PCDH11X: variants seen among roughly 807,000 people sequenced by gnomAD.
PCDH11X encodes protocadherin 11 X-linked.
PCDH11X carries 18 observed loss-of-function variants against 53.3 expected under a neutral mutation model. The observed-to-expected ratio is 0.34, with a 90% confidence interval of 0.23 to 0.50. The LOEUF is 0.50. Ranked by LOEUF, PCDH11X falls within the 20% of genes least tolerant of loss-of-function variation. The pLI is 0.98. For missense variants in PCDH11X, 570 were observed against 1,032.4 expected (o/e 0.55, Z 6.14); for synonymous variants, 279 against 393.3 (o/e 0.71, Z 3.44).
intron 6 of PCDH11X, among the ~76,000 whole-genome samples, chrX:91,886,821 A>G (rs1458497702): frequency 1.8e-5 from 2 of 108,353 alleles, no homozygotes; most frequent in African/African-American, 6.7e-5. Flanking sequence ...AATACAAAAA[A>G]TTAGCTGGGC....
intron 10 of PCDH11X, among the ~76,000 whole-genome samples, chrX:92,584,912 G>A (rs1211608739): frequency 1.9e-5 from 2 of 103,694 alleles, no homozygotes; most frequent in African/African-American, 7.2e-5. Context: ...TCCTGCCTCT[G>A]CTTCCAGAGT....
intron 6 of PCDH11X, among the ~76,000 whole-genome samples, chrX:91,966,984 C>A (rs911525462): frequency 2.4e-5 from 2 of 84,805 alleles, no homozygotes; most frequent in Non-Finnish European, 4.6e-5. Flanking sequence ...CAACCCCCAC[C>A]CCCCACCCCC....
chrX:92,242,589 T>G (rs1413530686), intron 7 of PCDH11X, among the ~76,000 whole-genome samples: 2 of 111,898 alleles, frequency 1.8e-5, no homozygotes, highest in Non-Finnish European at 3.8e-5. Context: ...AACATTAGTG[T>G]ACAATCTTTT....
rs1482321891 is a variant in PCDH11X, at chrX:92,232,959, C to G, written c.3115-30155C>G. On this transcript the variant is annotated intron_variant, in intron 7 of 10. Coordinates refer to ENST00000682573, the MANE Select transcript of PCDH11X (RefSeq NM_032968.5). ...CTCCATCTCCCGACCTCCTGATCCGCCCACCGCGGCCTCCCAAAGTGCTGG... is the reference window on the plus strand; with the variant it reads ...CTCCATCTCCCGACCTCCTGATCCGGCCACCGCGGCCTCCCAAAGTGCTGG... Among the ~76,000 whole-genome samples, 3 of 111,567 alleles carry G rather than the reference C, an allele frequency of 2.7e-5. No individual in the cohort carries two copies. The East Asian group carries it at 8.5e-4, about 32-fold the overall frequency.
intron 6 of PCDH11X, among the ~76,000 whole-genome samples, chrX:92,185,406 A>G (rs191569015): frequency 1.8e-5 from 2 of 111,820 alleles, no homozygotes; most frequent in East Asian, 5.6e-4. Context: ...CTATAAAACA[A>G]TTATAAGAAG....
intron 7 of PCDH11X, among the ~76,000 whole-genome samples, chrX:92,217,284 T>C (rs775520847): frequency 2.4e-4 from 27 of 110,433 alleles, no homozygotes; most frequent in Non-Finnish European, 2.8e-4. Flanking sequence ...CAAGACCCAT[T>C]AGTGTGCTGT....
chrX:91,913,564 G>A (rs1941451569), intron 6 of PCDH11X, among the ~76,000 whole-genome samples: 1 of 110,736 alleles, frequency 9.0e-6, no homozygotes, highest in African/African-American at 3.3e-5. Flanking sequence ...CCCTCCCCAA[G>A]GAGAGTCTGC....
intron 8 of PCDH11X, among the ~76,000 whole-genome samples, chrX:92,304,008 A>T (rs1166292258): frequency 9.1e-6 from 1 of 109,888 alleles, no homozygotes; most frequent in Non-Finnish European, 1.9e-5. Context: ...AAATTCTGTC[A>T]ACAATAATGC....
chrX:92,276,287 G>A (rs150991449), intron 8 of PCDH11X, among the ~76,000 whole-genome samples: 4,721 of 107,112 alleles, frequency 0.044, 167 homozygotes, highest in East Asian at 0.27. Context: ...CTCGGCATCC[G>A]TGATGGTCTA....
intron 7 of PCDH11X, among the ~76,000 whole-genome samples, chrX:92,257,295 C>T (rs1204365444): frequency 9.0e-6 from 1 of 111,408 alleles, no homozygotes; most frequent in Non-Finnish European, 1.9e-5. Flanking sequence ...GCCCCCACAT[C>T]CAACATTGGG....
At chrX:92,613,220 G>C (rs1197924680) in intron 10 of PCDH11X, among the ~76,000 whole-genome samples, 1 of 110,104 alleles carries the variant, frequency 9.1e-6, no homozygotes, top group African/African-American at 3.3e-5. Context: ...ATTTAAGTTT[G>C]TTTTCCTGCT....
intron 8 of PCDH11X, among the ~76,000 whole-genome samples, chrX:92,282,884 A>G (rs954095917): frequency 4.5e-5 from 5 of 111,541 alleles, no homozygotes; most frequent in Non-Finnish European, 9.4e-5. Context: ...ATTTCACAAA[A>G]TTTAAAAAGA....
intron 6 of PCDH11X, among the ~76,000 whole-genome samples, chrX:91,992,826 G>T (rs1280898103): frequency 8.9e-6 from 1 of 111,734 alleles, no homozygotes; most frequent in Non-Finnish European, 1.9e-5. Flanking sequence ...CTGAAGCTAA[G>T]TTTAACACAG....
intron 8 of PCDH11X, among the ~76,000 whole-genome samples, chrX:92,364,412 C>A (rs142460533): frequency 0.029 from 3,242 of 110,380 alleles, 116 homozygotes; most frequent in African/African-American, 0.1. Flanking sequence ...GAAAAGGTAG[C>A]GTAAAAATAG....
chrX:92,120,704 A>G (rs2760012), intron 6 of PCDH11X, among the ~76,000 whole-genome samples: 1,393 of 112,071 alleles, frequency 0.012, 19 homozygotes, highest in African/African-American at 0.042. Context: ...GTCTTGGTGC[A>G]GAAAACAACA....
intron 6 of PCDH11X, among the ~76,000 whole-genome samples, chrX:91,980,955 GTA>G (rs766457156): frequency 0.012 from 996 of 83,528 alleles, 18 homozygotes; most frequent in African/African-American, 0.04. Context: ...TTTTATATAT[GTA>G]TATATATATA....
chrX:92,177,692 G>C (rs759478085), intron 6 of PCDH11X, among the ~76,000 whole-genome samples: 2 of 111,278 alleles, frequency 1.8e-5, no homozygotes, highest in African/African-American at 6.5e-5. Context: ...GCAATATTCA[G>C]ACAAAACCTA....
intron 10 of PCDH11X, among the ~76,000 whole-genome samples, chrX:92,491,177 A>C (rs2073758253): frequency 9.0e-6 from 1 of 110,947 alleles, no homozygotes; most frequent in African/African-American, 3.3e-5. Context: ...CCAGAATCGT[A>C]GTTCAAATTT....
In PCDH11X at chrX:92,201,556, C is replaced by G. The variant is rs974825686; in HGVS notation, c.3114+101C>G. ...AAGTAGTGTGCATAATGTGTATTCC[C>G]TTACATTTCTTCAGGTGATTTTGTG... On this transcript the variant is annotated intron_variant, in intron 7 of 10. Coordinates refer to ENST00000682573, the MANE Select transcript of PCDH11X (RefSeq NM_032968.5). The G allele has an allele frequency of 2.5e-5, 11 of 443,946 alleles. No homozygotes were observed. The African/African-American group carries it at 2.6e-4, about 11-fold the overall frequency. 36.6% of individuals were successfully genotyped at this position (443,946 alleles called of 1,213,427 possible). A position where few individuals can be genotyped will look rare whatever the true frequency, so the allele number is the denominator to read the frequency against.
Sources: allele counts gnomAD v4.1 joint callset (sites outside exome capture counted in the v4.1 genomes callset), GRCh38; gene constraint gnomAD v4.1.1; transcripts MANE v1.5; gene names NCBI Gene and HGNC (gene_info 2026-07-23, HGNC 2026-07-21).